The following SLC28A1 variants were observed in gnomAD, a reference collection of about 807,000 sequenced individuals.
SLC28A1 encodes the protein solute carrier family 28 member 1, also known as sodium/nucleoside cotransporter 1.
A neutral mutation model predicts 74.8 loss-of-function variants in SLC28A1; 64 were observed. The ratio of observed to expected loss-of-function variants is 0.86; its 90% CI spans 0.70 to 1.05. The LOEUF (loss-of-function observed/expected upper bound fraction) is 1.05. SLC28A1 is among the 50% of genes least tolerant of loss of function. The pLI is 0.00. For missense variants in SLC28A1, 828 were observed against 822.8 expected, an observed-to-expected ratio of 1.01 and a Z score of -0.08; for synonymous variants, 359 against 335.0, an observed-to-expected ratio of 1.07 and a Z score of -0.78.
At chr15:84,890,232 G>T (rs551162260) in intron 4 of SLC28A1, among the ~76,000 whole-genome samples, 2 of 152,260 alleles carry the variant, frequency 1.3e-5, no homozygotes, top group African/African-American at 4.8e-5. Flanking sequence ...AGTGGGGCCT[G>T]TGGGTGCTGC....
chr15:84,952,533 C>G, the SLC28A1 span, among the ~76,000 whole-genome samples: 1 of 152,226 alleles, frequency 6.6e-6, no homozygotes, highest in Non-Finnish European at 1.5e-5. Context: ...CCACTCAGCC[C>G]CAACTGACAA....
chr15:84,905,186 C>T (rs1035635756), intron 7 of SLC28A1, among the ~76,000 whole-genome samples: 2 of 152,156 alleles, frequency 1.3e-5, no homozygotes, highest in African/African-American at 4.8e-5. Flanking sequence ...CTGGGAGGAG[C>T]TGGGCCCAGA....
At chr15:84,942,531 T>C (rs1488088763) in intron 15 of SLC28A1, among the ~76,000 whole-genome samples, 1 of 152,214 alleles carries the variant, frequency 6.6e-6, no homozygotes, top group Non-Finnish European at 1.5e-5. Flanking sequence ...CTGCCTGGTG[T>C]TTCCCATACA....
At chr15:84,939,622 T>C (rs999802081) in intron 15 of SLC28A1, 3 of 152,208 alleles carry the variant, frequency 2.0e-5, no homozygotes, top group African/African-American at 7.2e-5. Flanking sequence ...GGTTTTTAAA[T>C]GTAGAACGCT....
intron 9 of SLC28A1, among the ~76,000 whole-genome samples, chr15:84,909,887 T>C (rs1160538744): frequency 2.0e-5 from 3 of 152,242 alleles, no homozygotes; most frequent in Middle Eastern, 3.2e-3. Context: ...TTTTTCATTA[T>C]GCTGGCCACT....
intron 15 of SLC28A1, chr15:84,938,386 A>C (rs892489027): frequency 1.3e-5 from 2 of 152,036 alleles, no homozygotes; most frequent in Admixed American, 6.6e-5. Flanking sequence ...TATGGGGTAC[A>C]TGAGGTGTTT....
At chr15:84,946,108 A>ATTTTT (rs1567196454), downstream of SLC28A1, among the ~76,000 whole-genome samples, 33 of 11,116 alleles carry the variant, frequency 3.0e-3, no homozygotes, top group African/African-American at 9.0e-3. Flanking sequence ...ATATATATAT[A>ATTTTT]TATATTTTTT....
At chr15:84,962,372 C>G in the SLC28A1 span, among the ~76,000 whole-genome samples, 3 of 152,082 alleles carry the variant, frequency 2.0e-5, no homozygotes, top group Non-Finnish European at 4.4e-5. Context: ...CTGCACCCAG[C>G]CTTCGTTGAC....
intron 1 of SLC28A1, among the ~76,000 whole-genome samples, chr15:84,885,251 GC>G (rs1044843430): frequency 1.3e-5 from 2 of 149,894 alleles, no homozygotes; most frequent in African/African-American, 2.5e-5. Context: ...GAGCCACCGT[GC>G]CCCCCCTCTT....
the SLC28A1 span, among the ~76,000 whole-genome samples, chr15:84,973,036 C>G: frequency 6.6e-6 from 1 of 150,454 alleles, no homozygotes; most frequent in Non-Finnish European, 1.5e-5. Context: ...GGACCAAAGT[C>G]CTTGTCATGG....
At chr15:84,910,338 T>C (rs759170247) in intron 9 of SLC28A1, among the ~76,000 whole-genome samples, 14 of 152,128 alleles carry the variant, frequency 9.2e-5, no homozygotes, top group Non-Finnish European at 1.8e-4. Context: ...AATGCGGGGG[T>C]ACCCGAAGTT....
the SLC28A1 span, among the ~76,000 whole-genome samples, chr15:84,955,388 C>T: frequency 6.7e-4 from 102 of 152,246 alleles, 2 homozygotes; most frequent in South Asian, 1.0e-3. Context: ...GATGTCTGAC[C>T]GTGAAGCATC....
chr15:84,895,973 A>T, intron 6 of SLC28A1: 4 of 967,090 alleles, frequency 4.1e-6, no homozygotes, highest in Non-Finnish European at 4.9e-6. Context: ...CACATTTAAA[A>T]TTTTATTTAT....
intron 1 of SLC28A1, chr15:84,886,085 T>C (rs994110946): frequency 2.1e-6 from 2 of 965,588 alleles, no homozygotes; most frequent in African/African-American, 3.5e-5. Context: ...GTGTGAGGAC[T>C]GGAAAACTAA....
intron 12 of SLC28A1, among the ~76,000 whole-genome samples, chr15:84,926,769 A>AG (rs1198826065): frequency 1.0e-5 from 1 of 96,266 alleles, no homozygotes; most frequent in Non-Finnish European, 1.9e-5. Flanking sequence ...CCCCTGCCCC[A>AG]GGCTCTCTGG....
intron 9 of SLC28A1, among the ~76,000 whole-genome samples, chr15:84,916,660 A>G (rs898965620): frequency 6.6e-6 from 1 of 152,142 alleles, no homozygotes; most frequent in South Asian, 2.1e-4. Flanking sequence ...TCAAAGTTCA[A>G]AGCCAAACTG....
At chr15:84,930,903 G>A (rs574609328) in intron 12 of SLC28A1, among the ~76,000 whole-genome samples, 4 of 151,602 alleles carry the variant, frequency 2.6e-5, no homozygotes, top group African/African-American at 7.3e-5. Context: ...CCGAGTAGCT[G>A]GGATTACAGG....
intron 8 of SLC28A1, among the ~76,000 whole-genome samples, chr15:84,906,575 TTCCTTCCTTCCTTCC>T (rs1967254272): frequency 1.0e-4 from 4 of 39,572 alleles, no homozygotes; most frequent in Non-Finnish European, 1.7e-4. Context: ...TCTTTCTTTC[TTCCTTCCTTCCTTCC>T]TTCCTTCCTT....
intron 3 of SLC28A1, 37 bp from the exon 4 acceptor site, chr15:84,888,735 G>A: frequency 6.8e-7 from 1 of 1,481,172 alleles, no homozygotes; most frequent in Non-Finnish European, 9.2e-7. Flanking sequence ...GGGTGGGTAA[G>A]GGGCAGGCCG....
Sources: gnomAD v4.1 joint callset for allele counts (sites outside exome capture counted in the v4.1 genomes callset) on GRCh38, gnomAD v4.1.1 for gene constraint, MANE v1.5 for transcripts, NCBI Gene and HGNC (gene_info 2026-07-23, HGNC 2026-07-21) for gene names.